Variants in NIPA1 observed in about 807,000 individuals in gnomAD.
NIPA1 encodes magnesium transporter NIPA1.
In NIPA1, 13 loss-of-function variants were observed where a neutral mutation model predicts 23.9. That is an observed-to-expected ratio of 0.54 (90% CI 0.35 to 0.87). The LOEUF (loss-of-function observed/expected upper bound fraction) is 0.87. Among genes scored for constraint, NIPA1 ranks in the 40% least tolerant of loss-of-function variants. NIPA1 has a pLI of 0.01. For synonymous variants in NIPA1, 234 were observed against 202.9 expected (o/e 1.15, Z -1.30); for missense variants, 362 against 429.7 (o/e 0.84, Z 1.39).
intron 3 of NIPA1, among the ~76,000 whole-genome samples, chr15:22,815,867 C>T (rs1895403799): frequency 6.6e-6 from 1 of 152,130 alleles, no homozygotes; most frequent in African/African-American, 2.4e-5. Context: ...AAAAGACACA[C>T]AAAAATTATG....
At chr15:22,786,272 G>A (rs1595626312), upstream of NIPA1, 1 of 152,218 alleles carries the variant, frequency 6.6e-6, no homozygotes, top group Non-Finnish European at 1.5e-5. Flanking sequence ...GCCTCCGCTG[G>A]AGGCTCTTCG....
intron 1 of NIPA1, among the ~76,000 whole-genome samples, chr15:22,790,277 C>T (rs1313465287): frequency 6.6e-6 from 1 of 152,098 alleles, no homozygotes; most frequent in African/African-American, 2.4e-5. Context: ...GACATAGAGT[C>T]TTGTTTCAAT....
intron 1 of NIPA1, among the ~76,000 whole-genome samples, chr15:22,798,703 T>TGGGCATGGTGG (rs1267840802): frequency 6.7e-4 from 100 of 148,776 alleles, no homozygotes; most frequent in African/African-American, 2.4e-3. Context: ...AAAAAATTAG[T>TGGGCATGGTGG]CGGGTGCCTG....
At position 22,786,849 on chromosome 15, in the gene NIPA1, A is replaced by G. The variant is rs1211771868; in HGVS notation, c.178+15A>G. The G allele has an allele frequency of 4.2e-6, 2 of 470,822 alleles. No individual in the cohort carries two copies. Among genetic ancestry groups the G allele is most frequent in the Non-Finnish European group, 5.9e-6 (2 of 339,110 alleles). The allele number at this position is 470,822 out of a possible 1,614,324, so 29.2% of individuals were successfully genotyped here. A position where few individuals can be genotyped will look rare whatever the true frequency, so the allele number is the denominator to read the frequency against. On this transcript the variant is annotated intron_variant, in intron 1 of 4. Transcript: ENST00000337435. The stretch of plus-strand genomic sequence containing the variant: ...CAAGCGGCGAGGTAGGGCGGGCGGC[A>G]GGCGGCAGGCGGCGGGCGGGTGGGG...
chr15:22,788,947 T>C lies in NIPA1; in HGVS notation c.178+2113T>C, dbSNP rs1036464783. Among the ~76,000 whole-genome samples the C allele has an allele frequency of 6.9e-5, 8 of 115,572 alleles. No homozygotes were observed. The East Asian group carries it at 1.4e-3, about 20-fold the overall frequency. The allele number at this position is 115,572 out of a possible 152,430, so 75.8% of individuals were successfully genotyped here. On this transcript the variant is annotated intron_variant, in intron 1 of 4. Coordinates refer to ENST00000337435, the MANE Select transcript of NIPA1 (RefSeq NM_144599.5). The stretch of plus-strand genomic sequence containing the variant: ...AAAAAAAAAAAAAAAAGATAAATGC[T>C]GTTTCTTATACCTATATACTATGCT...
chr15:22,805,408 C>T (rs115720113), intron 1 of NIPA1, among the ~76,000 whole-genome samples: 3,853 of 151,968 alleles, frequency 0.025, 155 homozygotes, highest in African/African-American at 0.088. Context: ...TCTGTAGGAC[C>T]GGGCGCGGTG....
At chr15:22,792,297 C>T (rs1335673320) in intron 1 of NIPA1, among the ~76,000 whole-genome samples, 1 of 152,012 alleles carries the variant, frequency 6.6e-6, no homozygotes, top group Non-Finnish European at 1.5e-5. Flanking sequence ...CGCATGGCTG[C>T]CCTGGGACAG....
At chr15:22,805,810 G>A (rs1895194534) in intron 1 of NIPA1, among the ~76,000 whole-genome samples, 1 of 152,212 alleles carries the variant, frequency 6.6e-6, no homozygotes, top group Admixed American at 6.5e-5. Flanking sequence ...GTTGATGTTA[G>A]AAGCACACAT....
intron 1 of NIPA1, among the ~76,000 whole-genome samples, chr15:22,796,648 T>C (rs565593563): frequency 6.4e-4 from 97 of 152,264 alleles, no homozygotes; most frequent in Admixed American, 1.2e-3. Flanking sequence ...CCAATTTCTT[T>C]TTTGTTTTAA....
At position 22,824,379 on chromosome 15, in the gene NIPA1, G is replaced by A. The variant is rs1265170160; in HGVS notation, c.*140G>A. 8.6e-6 allele frequency: 7 copies of A among 813,632 alleles called. No individual in the cohort carries two copies. The African/African-American group carries it at 1.2e-4, about 14-fold the overall frequency. 50.4% of individuals were successfully genotyped at this position (813,632 alleles called of 1,614,324 possible). A position where few individuals can be genotyped will look rare whatever the true frequency, so the allele number is the denominator to read the frequency against. On this transcript the variant is annotated 3_prime_UTR_variant, in exon 5 of 5. Coordinates refer to ENST00000337435, the MANE Select transcript of NIPA1 (RefSeq NM_144599.5). This position sits in a 1 kb window ranked among gnomAD's most constrained non-coding sequence, Gnocchi z 4.1. ...TAACAGGTGGTCTGGTGGATAGCGG[G>A]GAGCATGGCTCAGCACCAGAGCAGA...
intron 3 of NIPA1, among the ~76,000 whole-genome samples, chr15:22,816,952 G>A (rs985271437): frequency 6.6e-6 from 1 of 151,790 alleles, no homozygotes; most frequent in African/African-American, 2.4e-5. Context: ...GGGAGGCTGA[G>A]ACGGGAAGAT....
Position 22,823,715 on chromosome 15 carries a change from G to A in NIPA1, c.479-13G>A. 6.3e-7 allele frequency: 1 copy of A among 1,598,470 alleles called. No homozygotes were observed. Among genetic ancestry groups the A allele is most frequent in the Middle Eastern group, 1.8e-4 (1 of 5,688 alleles). Reference sequence around the variant, plus strand: ...CGGTGGCTCCGGGTGACTGTGTGCTGTCTGTGTTCCAGTGTTTGTGGGCTA... The same window carrying A: ...CGGTGGCTCCGGGTGACTGTGTGCTATCTGTGTTCCAGTGTTTGTGGGCTA... On this transcript the variant is annotated splice_polypyrimidine_tract_variant and intron_variant, in intron 4 of 4. Coordinates refer to ENST00000337435, the MANE Select transcript of NIPA1 (RefSeq NM_144599.5).
rs191349975 is a variant in NIPA1 at position 22,821,520 on chromosome 15, A to G, written c.478+1047A>G. On this transcript the variant is annotated intron_variant, in intron 4 of 4. Transcript: ENST00000337435. ...CACACTCGCTGGTTTTCTCGTCCAC[A>G]CTCACTGGTTTTGTCCACACTCGGT... 9.3e-3 allele frequency among the ~76,000 whole-genome samples: 1,317 copies of G among 141,012 alleles called. 12 individuals are homozygous for G. The highest frequency in any genetic ancestry group is 0.017 in the Non-Finnish European group (1,099 of 65,482). The allele number at this position is 141,012 out of a possible 152,430, so 92.5% of individuals were successfully genotyped here.
intron 1 of NIPA1, among the ~76,000 whole-genome samples, chr15:22,794,268 C>A (rs919373330): frequency 7.0e-6 from 1 of 142,606 alleles, no homozygotes; most frequent in African/African-American, 2.6e-5. Context: ...ATGACAAAGC[C>A]GGTGATTCCG....
At chr15:22,807,658 A>T (rs188136114) in intron 1 of NIPA1, among the ~76,000 whole-genome samples, 1 of 152,302 alleles carries the variant, frequency 6.6e-6, no homozygotes, top group East Asian at 1.9e-4. Flanking sequence ...AGAACAATGA[A>T]ATTGACAAAC....
chr15:22,791,488 TTTTTTTTTTTTG>T (rs1251280542), intron 1 of NIPA1, among the ~76,000 whole-genome samples: 2 of 125,394 alleles, frequency 1.6e-5, no homozygotes, highest in African/African-American at 6.4e-5. Context: ...TTTTTTTTTT[TTTTTTTTTTTTG>T]TGAGACGGAG....
In NIPA1 at chr15:22,828,471, C is replaced by T. The variant is rs1566791093; in HGVS notation, c.*4232C>T. On this transcript the variant is annotated 3_prime_UTR_variant, in exon 5 of 5. Transcript: ENST00000337435. The stretch of plus-strand genomic sequence containing the variant: ...TTTCACATCTGGCCAGATTCTTATA[C>T]CTCCATTGTATACTTGAAAAGGTTC... 6.6e-6 allele frequency: 1 copy of T among 152,594 alleles called. No homozygotes were observed. The highest frequency in any genetic ancestry group is 1.5e-5 in the Non-Finnish European group (1 of 68,038). 9.5% of individuals were successfully genotyped at this position (152,594 alleles called of 1,614,324 possible). A position where few individuals can be genotyped will look rare whatever the true frequency, so the allele number is the denominator to read the frequency against.
intron 1 of NIPA1, among the ~76,000 whole-genome samples, chr15:22,796,844 A>G (rs1411984627): frequency 6.6e-6 from 1 of 152,070 alleles, no homozygotes; most frequent in African/African-American, 2.4e-5. Flanking sequence ...GGGGCTCTTT[A>G]CTGTGATATA....
chr15:22,803,692 T>TTC (rs1460751681), intron 1 of NIPA1, among the ~76,000 whole-genome samples: 1 of 143,342 alleles, frequency 7.0e-6, no homozygotes, highest in Non-Finnish European at 1.5e-5. Flanking sequence ...TTTTTTTTTT[T>TTC]TTTTTGAGAC....
Sources: allele counts gnomAD v4.1 joint callset (sites outside exome capture counted in the v4.1 genomes callset), GRCh38; gene constraint gnomAD v4.1.1; non-coding constraint Gnocchi (gnomAD v3.1); transcripts MANE v1.5; gene names NCBI Gene and HGNC (gene_info 2026-07-23, HGNC 2026-07-21).